The following MROH9 variants were observed in gnomAD, a reference collection of about 807,000 sequenced individuals.
MROH9 encodes maestro heat like repeat family member 9.
Under a neutral mutation model 98.2 loss-of-function variants are expected in MROH9, and 92 were observed. The observed-to-expected ratio is 0.94, with a 90% CI of 0.79 to 1.11. The LOEUF (loss-of-function observed/expected upper bound fraction) is 1.11, where lower values mean the gene tolerates loss of function less well. Ranked by LOEUF, MROH9 falls within the 50% of genes most tolerant of loss-of-function variation. The pLI is 0.00. For missense variants in MROH9, 1,057 were observed against 1,014.8 expected (o/e 1.04, Z -0.57); for synonymous variants, 397 against 368.9 (o/e 1.08, Z -0.87).
intron 15 of MROH9, among the ~76,000 whole-genome samples, chr1:171,006,316 G>A (rs1013687160): frequency 1.3e-5 from 2 of 152,120 alleles, no homozygotes; most frequent in African/African-American, 4.8e-5. Context: ...CTTTGTATGT[G>A]AGAAGTCTCT....
intron 20 of MROH9, among the ~76,000 whole-genome samples, chr1:171,061,048 T>C (rs1453745527): frequency 6.6e-6 from 1 of 152,148 alleles, no homozygotes; most frequent in East Asian, 1.9e-4. Flanking sequence ...ACTCAATATA[T>C]ACACCGGCAA....
intron 20 of MROH9, among the ~76,000 whole-genome samples, chr1:171,034,312 C>T (rs947087251): frequency 4.6e-5 from 7 of 152,120 alleles, no homozygotes; most frequent in African/African-American, 1.7e-4. Context: ...TTCTTGAAGA[C>T]ATTATTAGAG....
At chr1:171,063,516 T>C (rs1298138247) in intron 21 of MROH9, among the ~76,000 whole-genome samples, 1 of 152,136 alleles carries the variant, frequency 6.6e-6, no homozygotes, top group African/African-American at 2.4e-5. Flanking sequence ...TCTCCCGAAG[T>C]GCTGGGATTA....
chr1:170,951,483 T>C (rs545113359), intron 3 of MROH9, among the ~76,000 whole-genome samples: 1 of 152,138 alleles, frequency 6.6e-6, no homozygotes, highest in South Asian at 2.1e-4. Context: ...AGACTTAGAT[T>C]GGAAATAGGA....
chr1:171,056,068 A>G (rs1653829821), intron 20 of MROH9, among the ~76,000 whole-genome samples: 2 of 152,204 alleles, frequency 1.3e-5, no homozygotes, highest in Admixed American at 6.5e-5. Flanking sequence ...CCCCAGAGCC[A>G]TGCAGATTCT....
At chr1:170,970,731 T>TGTGTGTGTGTGTGTGTGTGA (rs1491154307) in intron 7 of MROH9, among the ~76,000 whole-genome samples, 5 of 90,872 alleles carry the variant, frequency 5.5e-5, no homozygotes, top group East Asian at 3.0e-4. Context: ...TGTGTGTGTG[T>TGTGTGTGTGTGTGTGTGTGA]GAGAGAGAGA....
intron 15 of MROH9, among the ~76,000 whole-genome samples, chr1:171,011,023 T>A (rs1192494148): frequency 6.6e-6 from 1 of 152,218 alleles, no homozygotes; most frequent in African/African-American, 2.4e-5. Flanking sequence ...TGCCCATGCC[T>A]ACATCCTGAA....
intron 20 of MROH9, among the ~76,000 whole-genome samples, chr1:171,027,814 G>T (rs549200431): frequency 6.6e-6 from 1 of 152,284 alleles, no homozygotes; most frequent in South Asian, 2.1e-4. Context: ...GTGATGTTGA[G>T]CTTTTTTTCA....
chr1:171,064,656 G>A lies in MROH9; in HGVS notation c.*316G>A, dbSNP rs74123673. 40 of 227,084 alleles carry A rather than the reference G, an allele frequency of 1.8e-4. No homozygotes were observed. Among genetic ancestry groups the A allele is most frequent in the African/African-American group, 3.7e-4 (16 of 42,782 alleles). The allele number at this position is 227,084 out of a possible 1,614,324, so 14.1% of individuals were successfully genotyped here. A position where few individuals can be genotyped will look rare whatever the true frequency, so the allele number is the denominator to read the frequency against. Reference sequence around the variant, plus strand: ...AAGCTCTGGGAACTTGATTCAGTCCGGAAGCTCTACTGAGCACCTTCTAAG... The same window carrying A: ...AAGCTCTGGGAACTTGATTCAGTCCAGAAGCTCTACTGAGCACCTTCTAAG... On this transcript the variant is annotated 3_prime_UTR_variant, in exon 22 of 22. Transcript: ENST00000367759.
rs76575292 is a variant in MROH9, at chr1:171,037,177, C to T, written c.2281+11757C>T. On this transcript the variant is annotated intron_variant, in intron 20 of 21. Coordinates refer to ENST00000367759, the MANE Select transcript of MROH9 (RefSeq NM_001163629.2). ...AAAAAATACAGTGAAAGAAAATATC[C>T]CATTTATAGTAGGTAAAAAATAAAG... Among the ~76,000 whole-genome samples, 1,472 of 150,104 alleles carry T rather than the reference C, an allele frequency of 9.8e-3. 20 individuals are homozygous for T. Among genetic ancestry groups the T allele is most frequent in the African/African-American group, 0.034 (1,402 of 40,896 alleles).
rs982411747 is a variant in MROH9, at chr1:170,992,319, T to C, written c.1184T>C (p.Met395Thr). 2 of 1,612,960 alleles carry C rather than the reference T, an allele frequency of 1.2e-6. No homozygotes were observed. Among genetic ancestry groups the C allele is most frequent in the South Asian group, 1.1e-5 (1 of 90,962 alleles). Residue 395 changes from methionine to threonine, a missense_variant, in exon 12 of 22, where the codon ATG becomes ACG. By Grantham distance (81) the Met-to-Thr change is moderately conservative (BLOSUM62 -1). Transcript: ENST00000367759. ...TTCTCTCTTGATATTACCAACTTGA[T>C]GCCTTTGGCGGTAAATAACACGATG... is the stretch of plus-strand genomic sequence containing the variant. The part of the protein sequence containing the change: ...KRFSLDITNL[M>T]PLAACQALCT...
chr1:171,003,260 T>C (rs972194313), intron 15 of MROH9, among the ~76,000 whole-genome samples: 1 of 152,202 alleles, frequency 6.6e-6, no homozygotes, highest in Non-Finnish European at 1.5e-5. Flanking sequence ...GGATTTCTTC[T>C]TGGTTTGGAA....
rs955322151 is a variant in MROH9, at chr1:170,960,256, T to C, written c.288+659T>C. 2.6e-4 allele frequency among the ~76,000 whole-genome samples: 40 copies of C among 152,220 alleles called. 1 individual carries two copies. Among genetic ancestry groups the C allele is most frequent in the African/African-American group, 8.7e-4 (36 of 41,456 alleles). On this transcript the variant is annotated intron_variant, in intron 5 of 21. Transcript: ENST00000367759. The stretch of plus-strand genomic sequence containing the variant: ...GTAGGCTGCTATTTTTTTACAAATG[T>C]GCCATTATTTTCCAACTGGACTTCT...
intron 14 of MROH9, among the ~76,000 whole-genome samples, chr1:170,997,893 T>G (rs541351123): frequency 6.6e-6 from 1 of 152,236 alleles, no homozygotes; most frequent in East Asian, 1.9e-4. Flanking sequence ...TGCACTAAAA[T>G]AGGACATTCT....
rs148739630 is a variant in MROH9, at chr1:170,979,341, G to T, written c.617-4081G>T. Among the ~76,000 whole-genome samples, 211 of 152,286 alleles carry T rather than the reference G, an allele frequency of 1.4e-3. 1 individual carries two copies. Among genetic ancestry groups the T allele is most frequent in the Admixed American group, 4.4e-3 (67 of 15,292 alleles). On this transcript the variant is annotated intron_variant, in intron 8 of 21. Coordinates refer to ENST00000367759, the MANE Select transcript of MROH9 (RefSeq NM_001163629.2). ...TTAGTTCTATTCTATTCAACATTGT[G>T]CAGAATAGAACTGAGAGTCCAGAAA...
At chr1:171,002,105 T>C (rs191981510) in intron 15 of MROH9, among the ~76,000 whole-genome samples, 3 of 152,278 alleles carry the variant, frequency 2.0e-5, no homozygotes, top group Admixed American at 1.3e-4. Flanking sequence ...CCTTTTTCCA[T>C]GCCTTTACTT....
chr1:171,053,456 C>T (rs773352267), intron 20 of MROH9, among the ~76,000 whole-genome samples: 3 of 152,172 alleles, frequency 2.0e-5, no homozygotes, highest in Non-Finnish European at 4.4e-5. Context: ...AGAAGATATA[C>T]CTTTAGCTTA....
intron 7 of MROH9, among the ~76,000 whole-genome samples, chr1:170,966,378 A>G (rs1230697080): frequency 6.6e-6 from 1 of 152,090 alleles, no homozygotes; most frequent in Non-Finnish European, 1.5e-5. Context: ...TGGATACTGT[A>G]TATTCAGCCT....
At chr1:170,952,528 C>T (rs1017658475) in intron 3 of MROH9, among the ~76,000 whole-genome samples, 3 of 144,994 alleles carry the variant, frequency 2.1e-5, no homozygotes, top group African/African-American at 7.7e-5. Flanking sequence ...CATGTTCTCA[C>T]TCATAGGTGG....
Sources: gnomAD v4.1 joint callset for allele counts (sites outside exome capture counted in the v4.1 genomes callset) on GRCh38, gnomAD v4.1.1 for gene constraint, MANE v1.5 for transcripts, NCBI Gene and HGNC (gene_info 2026-07-23, HGNC 2026-07-21) for gene names.